The following APLF variants were observed in gnomAD, a reference collection of about 807,000 sequenced individuals.
APLF encodes the protein aprataxin and PNKP like factor.
A neutral mutation model predicts 55.6 loss-of-function variants in APLF; 61 were observed. The ratio of observed to expected loss-of-function variants is 1.10; its 90% CI spans 0.89 to 1.36. APLF has a LOEUF of 1.36. Ranked by LOEUF, APLF falls within the 40% of genes most tolerant of loss-of-function variation. The pLI, the probability that APLF is intolerant of heterozygous loss-of-function variation, is 0.00. For missense variants in APLF, 611 were observed against 602.5 expected, an observed-to-expected ratio of 1.01 and a Z score of -0.15; for synonymous variants, 207 against 214.8, an observed-to-expected ratio of 0.96 and a Z score of 0.32.
At position 68,579,453 on chromosome 2, in the gene APLF, G is replaced by A. The variant is rs7572135; in HGVS notation, c.*1431G>A. Reference sequence around the variant, plus strand: ...TAATCTACTCCTAGGTATATACCCAGAGGAATTGAAAACATTTCCACATAA... The same window carrying A: ...TAATCTACTCCTAGGTATATACCCAAAGGAATTGAAAACATTTCCACATAA... On this transcript the variant is annotated 3_prime_UTR_variant, in exon 10 of 10. Coordinates refer to ENST00000303795, the MANE Select transcript of APLF (RefSeq NM_173545.3). 0.092 allele frequency: 84,097 copies of A among 913,578 alleles called. 4,949 individuals are homozygous for A. Among genetic ancestry groups the A allele is most frequent in the African/African-American group, 0.26 (14,669 of 55,576 alleles). 56.6% of individuals were successfully genotyped at this position (913,578 alleles called of 1,614,324 possible). A position where few individuals can be genotyped will look rare whatever the true frequency, so the allele number is the denominator to read the frequency against.
At chr2:68,528,866 G>A (rs1245935106) in intron 6 of APLF, 13 of 1,524,038 alleles carry the variant, frequency 8.5e-6, no homozygotes, top group Non-Finnish European at 1.1e-5. Context: ...ATTGTACCAG[G>A]AGGAAGTGAG....
chr2:68,503,346 T>A (rs1325355016), intron 3 of APLF, among the ~76,000 whole-genome samples: 1 of 152,104 alleles, frequency 6.6e-6, no homozygotes, highest in Non-Finnish European at 1.5e-5. Context: ...ACAGAGAAAC[T>A]GAGGAAATGA....
intron 1 of APLF, among the ~76,000 whole-genome samples, chr2:68,468,354 T>C (rs1675499991): frequency 6.6e-6 from 1 of 152,198 alleles, no homozygotes; most frequent in South Asian, 2.1e-4. Flanking sequence ...TATTTATTTA[T>C]ATTATTTATT....
At chr2:68,504,040 A>T (rs940721510) in intron 3 of APLF, among the ~76,000 whole-genome samples, 1 of 151,998 alleles carries the variant, frequency 6.6e-6, no homozygotes, top group African/African-American at 2.4e-5. Context: ...TTAGAAGAAT[A>T]ATGAGGAAAT....
At chr2:68,525,626 G>A (rs917291802) in intron 5 of APLF, among the ~76,000 whole-genome samples, 1 of 152,038 alleles carries the variant, frequency 6.6e-6, no homozygotes, top group African/African-American at 2.4e-5. Flanking sequence ...GGAGCTCTTG[G>A]CCATTTTGCT....
chr2:68,543,187 G>T (rs1670607119), intron 7 of APLF, among the ~76,000 whole-genome samples: 1 of 152,162 alleles, frequency 6.6e-6, no homozygotes, highest in Admixed American at 6.5e-5. Flanking sequence ...GACAGGAGGA[G>T]CTGGGAAGTT....
At chr2:68,573,134 TA>T (rs1671517857) in intron 9 of APLF, among the ~76,000 whole-genome samples, 4 of 152,202 alleles carry the variant, frequency 2.6e-5, no homozygotes, top group Admixed American at 2.6e-4. Flanking sequence ...AAGAGTTTAT[TA>T]TTTTTTCTAA....
At position 68,545,230 on chromosome 2, in the gene APLF, A is replaced by G. The variant is rs1372659439; in HGVS notation, c.1204A>G (p.Ser402Gly). 1 of 1,613,790 alleles carries G rather than the reference A, an allele frequency of 6.2e-7. No homozygotes were observed. Among genetic ancestry groups the G allele is most frequent in the Non-Finnish European group, 8.5e-7 (1 of 1,179,820 alleles). Reference sequence around the variant, plus strand: ...TCAACATTTTAGCCATCCTGGTGATAGTGATTATGGAGGTGTACAAATCGT... The same window carrying G: ...TCAACATTTTAGCCATCCTGGTGATGGTGATTATGGAGGTGTACAAATCGT... ...HFQHFSHPGDSDYGGVQIVGQ... is the reference protein window; with the variant it reads ...HFQHFSHPGDGDYGGVQIVGQ... Residue 402 changes from serine (S) to glycine (G), a missense_variant, in exon 8 of 10, where the codon AGT (serine) becomes GGT (glycine). Ser to Gly is a moderately conservative substitution (Grantham distance 56). Coordinates refer to ENST00000303795, the MANE Select transcript of APLF (RefSeq NM_173545.3).
At chr2:68,492,024 A>G (rs776965249) in intron 2 of APLF, among the ~76,000 whole-genome samples, 7 of 152,212 alleles carry the variant, frequency 4.6e-5, no homozygotes, top group Non-Finnish European at 8.8e-5. Context: ...CTAATGCATG[A>G]ATATTTTAAA....
At chr2:68,494,015 G>C (rs532560511) in intron 2 of APLF, among the ~76,000 whole-genome samples, 11 of 152,074 alleles carry the variant, frequency 7.2e-5, no homozygotes, top group African/African-American at 1.9e-4. Flanking sequence ...GGCTGAGACG[G>C]GAGAATGGCA....
In APLF at chr2:68,528,470, A is replaced by G. The variant is rs895253872; in HGVS notation, c.804+2228A>G. The G allele has an allele frequency of 1.1e-5, 17 of 1,533,912 alleles. No homozygotes were observed. The African/African-American group carries it at 1.8e-4, about 16-fold the overall frequency. On this transcript the variant is annotated intron_variant, in intron 6 of 9. Transcript: ENST00000303795. ...CAGGGGAGGGGTTGGTTGCAGCTGCAGTGGTGGCCCCGACAGTTTTCTTTT... is the reference window on the plus strand; with the variant it reads ...CAGGGGAGGGGTTGGTTGCAGCTGCGGTGGTGGCCCCGACAGTTTTCTTTT...
chr2:68,520,021 A>G (rs898300887), intron 5 of APLF, among the ~76,000 whole-genome samples: 3 of 151,760 alleles, frequency 2.0e-5, no homozygotes, highest in African/African-American at 7.2e-5. Context: ...TTGCAAGAGT[A>G]AGGTGATAAT....
Position 68,467,601 on chromosome 2 carries a change from C to T in APLF, c.-131C>T, listed in dbSNP as rs1373210460. On this transcript the variant is annotated 5_prime_UTR_variant, in exon 1 of 10. Transcript: ENST00000303795. ...CCGGGCTCTGAGAGGACCGGCGCAG[C>T]CGCGGGGAGCCTTTGAGGCCCTCCC... 4.3e-6 allele frequency: 3 copies of T among 697,824 alleles called. No homozygotes were observed. The Admixed American group carries it at 1.3e-4, about 30-fold the overall frequency. 43.2% of individuals were successfully genotyped at this position (697,824 alleles called of 1,614,324 possible). A position where few individuals can be genotyped will look rare whatever the true frequency, so the allele number is the denominator to read the frequency against.
At chr2:68,484,771 C>T (rs1159739405) in intron 1 of APLF, among the ~76,000 whole-genome samples, 1 of 150,986 alleles carries the variant, frequency 6.6e-6, no homozygotes, top group Non-Finnish European at 1.5e-5. Context: ...CCCAGGTGGG[C>T]AGATCACTTG....
Position 68,578,798 on chromosome 2 carries a change from T to C in APLF, c.*776T>C. ...AGAATAGAGAAACGACATAACTTTC[T>C]CAAATGGCATTAGTTTTGCCTTAGT... On this transcript the variant is annotated 3_prime_UTR_variant, in exon 10 of 10. Coordinates refer to ENST00000303795, the MANE Select transcript of APLF (RefSeq NM_173545.3). 1.0e-5 allele frequency: 10 copies of C among 985,360 alleles called. No individual in the cohort carries two copies. The highest frequency in any genetic ancestry group is 1.2e-5 in the Non-Finnish European group (10 of 829,892). The allele number at this position is 985,360 out of a possible 1,614,324, so 61.0% of individuals were successfully genotyped here. A position where few individuals can be genotyped will look rare whatever the true frequency, so the allele number is the denominator to read the frequency against.
At chr2:68,488,258 AT>A (rs1258227296) in intron 1 of APLF, among the ~76,000 whole-genome samples, 1 of 151,366 alleles carries the variant, frequency 6.6e-6, no homozygotes, top group Non-Finnish European at 1.5e-5. Flanking sequence ...TCTCAGCCGC[AT>A]TTTTTGAAAT....
chr2:68,573,108 T>C (rs1468654713), intron 9 of APLF, among the ~76,000 whole-genome samples: 1 of 152,202 alleles, frequency 6.6e-6, no homozygotes, highest in Non-Finnish European at 1.5e-5. Context: ...AATAATATGT[T>C]GTTTTAAACA....
At chr2:68,562,261 A>G (rs1649298209) in intron 8 of APLF, among the ~76,000 whole-genome samples, 1 of 152,016 alleles carries the variant, frequency 6.6e-6, no homozygotes, top group South Asian at 2.1e-4. Context: ...GTATTGGTCA[A>G]AGGATACAAA....
chr2:68,558,256 A>T (rs1022813717), intron 8 of APLF, among the ~76,000 whole-genome samples: 1 of 152,136 alleles, frequency 6.6e-6, no homozygotes, highest in Admixed American at 6.6e-5. Flanking sequence ...TGTTATATTT[A>T]CTGTTAATTA....
Sources: allele counts gnomAD v4.1 joint callset (sites outside exome capture counted in the v4.1 genomes callset), GRCh38; gene constraint gnomAD v4.1.1; transcripts MANE v1.5; gene names NCBI Gene and HGNC (gene_info 2026-07-23, HGNC 2026-07-21).